The following ERI1 variants were observed in gnomAD, a reference collection of about 807,000 sequenced individuals.
The protein encoded by ERI1 is 3'-5' exoribonuclease 1.
ERI1 carries 39 observed loss-of-function variants against 39.7 expected under a neutral mutation model. That is an observed-to-expected ratio of 0.98 (90% confidence interval 0.76 to 1.28). ERI1 has a LOEUF of 1.28. Ranked by LOEUF, ERI1 falls within the 50% of genes most tolerant of loss-of-function variation. The pLI is 0.00. For missense variants in ERI1, 581 were observed against 416.9 expected (o/e 1.39, Z -3.43); for synonymous variants, 204 against 149.6 (o/e 1.36, Z -2.65).
chr8:9,017,478 T>C (rs1817427733), intron 4 of ERI1, among the ~76,000 whole-genome samples: 1 of 152,218 alleles, frequency 6.6e-6, no homozygotes, highest in Admixed American at 6.5e-5. Flanking sequence ...TATATATCTT[T>C]ATGTGTATAT....
chr8:9,049,656 G>T (rs1798294959), intron 3 of ERI1, among the ~76,000 whole-genome samples: 1 of 152,030 alleles, frequency 6.6e-6, no homozygotes, highest in African/African-American at 2.4e-5. Flanking sequence ...CTTTTGACTT[G>T]CTGATCCTTC....
At position 9,011,751 on chromosome 8, in the gene ERI1, T is replaced by C. The variant is rs1554515087; in HGVS notation, c.497T>C (p.Ile166Thr). The C allele has an allele frequency of 6.3e-7, 1 of 1,589,382 alleles. No homozygotes were observed. Among genetic ancestry groups the C allele is most frequent in the Non-Finnish European group, 8.6e-7 (1 of 1,163,336 alleles). Residue 166 changes from isoleucine (I) to threonine (T), a missense_variant and splice_region_variant, in exon 3 of 7, where the codon ATA becomes ACA. Ile to Thr is a moderately conservative substitution (Grantham distance 89). Coordinates refer to ENST00000250263, the MANE Select transcript of ERI1 (RefSeq NM_153332.4). ...VVLLNTHTLE[I>T]EDTFQQYVRP... ...TTACTGAATACGCATACTTTAGAAA[T>C]AGTAAGTGAATTTTTGTATTTTAAT...
At chr8:9,041,626 C>A (rs115978462) in intron 3 of ERI1, among the ~76,000 whole-genome samples, 101 of 152,292 alleles carry the variant, frequency 6.6e-4, no homozygotes, top group Middle Eastern at 3.4e-3. Flanking sequence ...TTTAAAACTT[C>A]CTTGAAACAA....
intron 2 of ERI1, among the ~76,000 whole-genome samples, chr8:9,009,896 A>G (rs910296127): frequency 6.6e-6 from 1 of 152,202 alleles, no homozygotes; most frequent in Non-Finnish European, 1.5e-5. Context: ...TGTGACAATG[A>G]TAGTGAAATG....
At chr8:9,065,996 C>G (rs1052706394) in intron 3 of ERI1, among the ~76,000 whole-genome samples, 1 of 152,072 alleles carries the variant, frequency 6.6e-6, no homozygotes, top group Admixed American at 6.6e-5. Context: ...GTCACGGCCG[C>G]CTTTTTTTTC....
intron 3 of ERI1, among the ~76,000 whole-genome samples, chr8:9,012,497 A>C (rs576259798): frequency 6.6e-6 from 1 of 152,380 alleles, no homozygotes; most frequent in South Asian, 2.1e-4. Flanking sequence ...TTTGTGAATT[A>C]AAATGCATAG....
intron 3 of ERI1, among the ~76,000 whole-genome samples, chr8:9,053,471 AC>A (rs1293058730): frequency 1.3e-5 from 2 of 152,102 alleles, no homozygotes; most frequent in African/African-American, 4.8e-5. Context: ...CAGCCCAGCC[AC>A]TAGCCCCATA....
intron 3 of ERI1, among the ~76,000 whole-genome samples, chr8:9,015,459 C>G (rs1028379087): frequency 1.3e-5 from 2 of 152,098 alleles, no homozygotes; most frequent in African/African-American, 4.8e-5. Context: ...GATAACAATA[C>G]TGGCCTCACT....
downstream of ERI1, among the ~76,000 whole-genome samples, chr8:9,034,295 C>G (rs1797768257): frequency 6.6e-6 from 1 of 152,228 alleles, no homozygotes; most frequent in Non-Finnish European, 1.5e-5. Flanking sequence ...ATTGTGGAGC[C>G]ACAAGGCATG....
At chr8:9,033,973 A>G (rs1388906921), downstream of ERI1, among the ~76,000 whole-genome samples, 2 of 152,248 alleles carry the variant, frequency 1.3e-5, no homozygotes, top group Non-Finnish European at 2.9e-5. Flanking sequence ...GTTAACTTCT[A>G]ATGTGACCAG....
At chr8:9,058,661 A>T (rs969829837) in intron 3 of ERI1, among the ~76,000 whole-genome samples, 1 of 152,198 alleles carries the variant, frequency 6.6e-6, no homozygotes, top group African/African-American at 2.4e-5. Flanking sequence ...GAATTGGCAT[A>T]GGTATTTCCT....
intron 1 of ERI1, among the ~76,000 whole-genome samples, chr8:9,005,142 C>G (rs931769799): frequency 2.0e-5 from 3 of 152,102 alleles, no homozygotes; most frequent in African/African-American, 7.2e-5. Context: ...TCAGAACTCT[C>G]CTTTTGGAAG....
intron 3 of ERI1, among the ~76,000 whole-genome samples, chr8:9,083,358 A>G (rs1042902443): frequency 6.6e-6 from 1 of 152,188 alleles, no homozygotes; most frequent in Non-Finnish European, 1.5e-5. Context: ...TAAAGAAAGC[A>G]TACCGTAACA....
chr8:9,034,319 C>T (rs140997095), downstream of ERI1, among the ~76,000 whole-genome samples: 389 of 152,352 alleles, frequency 2.6e-3, no homozygotes, highest in African/African-American at 8.8e-3. Flanking sequence ...CATTTTATTG[C>T]ACTTCTCTTT....
intron 6 of ERI1, among the ~76,000 whole-genome samples, chr8:9,025,860 G>A (rs560140079): frequency 6.6e-6 from 1 of 152,048 alleles, no homozygotes; most frequent in African/African-American, 2.4e-5. Context: ...TTAGAGATAG[G>A]ACCCAACTCT....
intron 4 of ERI1, among the ~76,000 whole-genome samples, chr8:9,018,069 T>C (rs1000452396): frequency 7.2e-5 from 11 of 152,194 alleles, no homozygotes; most frequent in Admixed American, 2.0e-4. Flanking sequence ...ATCTTAATTT[T>C]GGGAGGATTA....
At chr8:9,085,466 C>A (rs899958737) in intron 3 of ERI1, among the ~76,000 whole-genome samples, 10 of 152,092 alleles carry the variant, frequency 6.6e-5, no homozygotes, top group African/African-American at 2.4e-4. Flanking sequence ...CCTCAGCCTC[C>A]CAAAGTGCTG....
Position 9,031,463 on chromosome 8 carries a change from G to C in ERI1, c.*1429G>C, listed in dbSNP as rs181713882. On this transcript the variant is annotated 3_prime_UTR_variant, in exon 7 of 7. Coordinates refer to ENST00000250263, the MANE Select transcript of ERI1 (RefSeq NM_153332.4). The stretch of plus-strand genomic sequence containing the variant: ...ACTGTTACAGATTATAGTAAAATAA[G>C]GAAATCTAAGTGCTTTAAGTTTATA... 2 of 152,136 alleles carry C rather than the reference G, an allele frequency of 1.3e-5. No individual in the cohort carries two copies. Among genetic ancestry groups the C allele is most frequent in the African/African-American group, 4.8e-5 (2 of 41,546 alleles). 9.4% of individuals were successfully genotyped at this position (152,136 alleles called of 1,614,324 possible). A position where few individuals can be genotyped will look rare whatever the true frequency, so the allele number is the denominator to read the frequency against.
At chr8:9,033,437 C>T (rs200875049), downstream of ERI1, 9 of 458 alleles carry the variant, frequency 0.02, no homozygotes, top group South Asian at 0.1. Context: ...GCCAGCAAGG[C>T]CAAAAAATAC....
Sources: gnomAD v4.1 joint callset for allele counts (sites outside exome capture counted in the v4.1 genomes callset) on GRCh38, gnomAD v4.1.1 for gene constraint, MANE v1.5 for transcripts, NCBI Gene and HGNC (gene_info 2026-07-23, HGNC 2026-07-21) for gene names.